Variants in PRDM2 observed in about 807,000 individuals in gnomAD.
PRDM2 encodes PR domain zinc finger protein 2.
PRDM2 carries 30 observed loss-of-function variants against 130.0 expected under a neutral mutation model. That is an observed-to-expected ratio of 0.23 (90% CI 0.17 to 0.31). The LOEUF is 0.31. PRDM2 is among the 10% of genes least tolerant of loss of function. The probability of loss-of-function intolerance (pLI) is 1.00; values close to 1 mark genes in which losing one functional copy is unlikely to be tolerated. For synonymous variants in PRDM2, 871 were observed against 782.4 expected, an observed-to-expected ratio of 1.11 and a Z score of -1.89; for missense variants, 2,011 against 2,108.4, an observed-to-expected ratio of 0.95 and a Z score of 0.90.
At chr1:13,789,376 G>C (rs561365318) in intron 8 of PRDM2, among the ~76,000 whole-genome samples, 1 of 152,316 alleles carries the variant, frequency 6.6e-6, no homozygotes, top group South Asian at 2.1e-4. Flanking sequence ...AGTACTTAAT[G>C]TATGCCTGGC....
rs1415479484 is a variant in PRDM2, at chr1:13,742,260, G to C, written c.384+103G>C. ...CTGTCTCTCAGGCTGGAGTGCAGGG[G>C]CTCCATCACGGCTCACTGCAGCCTA... On this transcript the variant is annotated intron_variant, in intron 5 of 9. Transcript: ENST00000311066. The C allele has an allele frequency of 4.7e-6, 6 of 1,288,024 alleles. No individual in the cohort carries two copies. In the East Asian group the frequency reaches 1.2e-4, roughly 26 times the overall value. 79.8% of individuals were successfully genotyped at this position (1,288,024 alleles called of 1,614,324 possible).
chr1:13,778,987 G>A lies in PRDM2; in HGVS notation c.1192G>A (p.Ala398Thr). ...HAFKCKYCGK[A>T]FGTQINRRRH... ...TTTCAAATGCAAGTACTGTGGGAAA[G>A]CCTTTGGCACACAGATTAACCGGCG... The change falls in exon 8 of 10, where the codon GCC becomes ACC. Residue 398 changes from alanine to threonine, a missense_variant. Coordinates refer to ENST00000311066, the MANE Select transcript of PRDM2 (RefSeq NM_001393986.1). 6.2e-7 allele frequency: 1 copy of A among 1,614,220 alleles called. No individual in the cohort carries two copies. The highest frequency in any genetic ancestry group is 8.5e-7 in the Non-Finnish European group (1 of 1,180,042).
chr1:13,709,791 C>A (rs1642312984), intron 1 of PRDM2, among the ~76,000 whole-genome samples: 1 of 152,132 alleles, frequency 6.6e-6, no homozygotes, highest in African/African-American at 2.4e-5. Flanking sequence ...CTTCCTGAAT[C>A]ATGAAAGTTA....
At chr1:13,737,396 C>G (rs1643304231) in intron 4 of PRDM2, among the ~76,000 whole-genome samples, 1 of 152,174 alleles carries the variant, frequency 6.6e-6, no homozygotes, top group African/African-American at 2.4e-5. Flanking sequence ...TTCTTTTGCC[C>G]CATAATCACA....
At chr1:13,747,527 C>A (rs756409724) in intron 5 of PRDM2, among the ~76,000 whole-genome samples, 3 of 151,592 alleles carry the variant, frequency 2.0e-5, no homozygotes, top group Non-Finnish European at 4.4e-5. Context: ...TGTATTGGTT[C>A]AAAAATAAGA....
At chr1:13,801,985 C>T (rs187567925) in intron 8 of PRDM2, among the ~76,000 whole-genome samples, 83 of 152,338 alleles carry the variant, frequency 5.4e-4, no homozygotes, top group Admixed American at 4.8e-3. Flanking sequence ...AGTCATCTGA[C>T]ACCTGCAGGC....
At chr1:13,793,945 G>T (rs912474337) in intron 8 of PRDM2, among the ~76,000 whole-genome samples, 2 of 152,194 alleles carry the variant, frequency 1.3e-5, no homozygotes, top group African/African-American at 2.4e-5. Flanking sequence ...TCCAGACATT[G>T]ATTCTCCTGG....
At chr1:13,804,598 G>C (rs951479015) in intron 8 of PRDM2, among the ~76,000 whole-genome samples, 2 of 152,130 alleles carry the variant, frequency 1.3e-5, no homozygotes, top group African/African-American at 4.8e-5. Context: ...CTCCGGGGGG[G>C]GAAATGATGC....
At chr1:13,766,717 GCA>G (rs1644235113) in intron 6 of PRDM2, among the ~76,000 whole-genome samples, 2 of 152,214 alleles carry the variant, frequency 1.3e-5, no homozygotes, top group African/African-American at 4.8e-5. Context: ...TAACTTCTGT[GCA>G]CAGATATTTA....
chr1:13,781,480 C>T lies in PRDM2; in HGVS notation c.3685C>T (p.Leu1229=). ...CTHHEFESGT[L]RPQNFTDPSK... ...ACATCACGAGTTTGAAAGCGGGACT[C>T]TGAGGCCCCAGAACTTTACAGATCC... The change falls in exon 8 of 10, where the codon CTG becomes TTG. Residue 1229 remains leucine (L), a synonymous_variant. Transcript: ENST00000311066. The surrounding 1 kb of genome is among the most constrained non-coding windows in gnomAD (Gnocchi z 6.1). 1 of 1,613,470 alleles carries T rather than the reference C, an allele frequency of 6.2e-7. No individual in the cohort carries two copies. Among genetic ancestry groups the T allele is most frequent in the Non-Finnish European group, 8.5e-7 (1 of 1,179,792 alleles).
At chr1:13,701,737 C>G (rs967666164) in intron 1 of PRDM2, among the ~76,000 whole-genome samples, 5 of 152,190 alleles carry the variant, frequency 3.3e-5, no homozygotes, top group Non-Finnish European at 7.4e-5. Context: ...AACTCATTTA[C>G]ATTTTCTGTG....
intron 8 of PRDM2, among the ~76,000 whole-genome samples, chr1:13,789,790 A>G (rs1644809116): frequency 6.6e-6 from 1 of 152,252 alleles, no homozygotes; most frequent in Admixed American, 6.5e-5. Context: ...AGGGTTGACT[A>G]GGATATAAAG....
At chr1:13,823,070 C>T in intron 9 of PRDM2, 89 bp from the exon 10 acceptor site, 1 of 1,306,562 alleles carries the variant, frequency 7.7e-7, no homozygotes, top group Non-Finnish European at 1.1e-6. Context: ...AGTTTAGTTA[C>T]AAAATTAAGT....
At chr1:13,768,074 GTTTTTTT>G (rs774757778) in intron 6 of PRDM2, among the ~76,000 whole-genome samples, 37 of 117,756 alleles carry the variant, frequency 3.1e-4, no homozygotes, top group African/African-American at 1.1e-3. Flanking sequence ...TTGTCCTTGA[GTTTTTTT>G]TTTTTTTTTT....
In PRDM2 at chr1:13,809,227, G is replaced by A. The variant is rs138169088; in HGVS notation, c.5037-7200G>A. ...GGTTTTGACAGGTTGCAGCAGGGGC[G>A]TGTCGTGGTCCGTTTTGCCTTTTGG... is the stretch of plus-strand genomic sequence containing the variant. On this transcript the variant is annotated intron_variant, in intron 8 of 9. Coordinates refer to ENST00000311066, the MANE Select transcript of PRDM2 (RefSeq NM_001393986.1). 3.7e-4 allele frequency among the ~76,000 whole-genome samples: 56 copies of A among 152,330 alleles called. No homozygotes were observed. In the East Asian group the frequency reaches 4.4e-3, roughly 12 times the overall value.
intron 6 of PRDM2, among the ~76,000 whole-genome samples, chr1:13,757,590 A>G (rs967589564): frequency 6.6e-6 from 1 of 152,222 alleles, no homozygotes; most frequent in African/African-American, 2.4e-5. Context: ...TGAATGTTAT[A>G]TAGACAATGA....
intron 8 of PRDM2, among the ~76,000 whole-genome samples, chr1:13,784,790 G>A (rs1557657498): frequency 2.6e-5 from 4 of 152,198 alleles, no homozygotes; most frequent in South Asian, 2.1e-4. Flanking sequence ...TGTCCTAACC[G>A]TAGATGGTAA....
At chr1:13,747,821 G>T (rs919698528) in intron 5 of PRDM2, among the ~76,000 whole-genome samples, 4 of 151,084 alleles carry the variant, frequency 2.6e-5, no homozygotes, top group Non-Finnish European at 5.9e-5. Context: ...CACTCTCTTG[G>T]ATAACCATTG....
chr1:13,786,549 A>C (rs1377268332), intron 8 of PRDM2: 2 of 1,608,668 alleles, frequency 1.2e-6, no homozygotes, highest in Admixed American at 1.7e-5. Flanking sequence ...AAACAAAACA[A>C]ACCTTAATTG....
Sources: allele counts gnomAD v4.1 joint callset (sites outside exome capture counted in the v4.1 genomes callset), GRCh38; gene constraint gnomAD v4.1.1; non-coding constraint Gnocchi (gnomAD v3.1); transcripts MANE v1.5; gene names NCBI Gene and HGNC (gene_info 2026-07-23, HGNC 2026-07-21).